Variants in TWF2 observed in about 807,000 individuals in gnomAD.
The protein encoded by TWF2 is twinfilin actin binding protein 2, also known as twinfilin-2.
In TWF2, 15 loss-of-function variants were observed where a neutral mutation model predicts 45.1. The observed-to-expected ratio is 0.33, with a 90% CI of 0.22 to 0.51. The LOEUF (loss-of-function observed/expected upper bound fraction) is 0.51, where lower values mean the gene tolerates loss of function less well. Ranked by LOEUF, TWF2 falls within the 20% of genes least tolerant of loss-of-function variation. TWF2 has a pLI of 0.97. For synonymous variants in TWF2, 177 were observed against 195.8 expected (o/e 0.90, Z 0.80); for missense variants, 423 against 469.1 (o/e 0.90, Z 0.91).
In TWF2 at chr3:52,228,779, C is replaced by T. The variant is rs1699649389; in HGVS notation, c.*255G>A. Reference sequence around the variant, plus strand: ...CGGGAGGCCAGGTTCATGCCAGGCCCCTGACCCAGCCCCCTTAAGCCAGCC... The same window carrying T: ...CGGGAGGCCAGGTTCATGCCAGGCCTCTGACCCAGCCCCCTTAAGCCAGCC... On this transcript the variant is annotated 3_prime_UTR_variant, in exon 9 of 9. Coordinates refer to ENST00000305533, the MANE Select transcript of TWF2 (RefSeq NM_007284.4). The T allele has an allele frequency of 3.6e-6, 2 of 555,516 alleles. No individual in the cohort carries two copies. Among genetic ancestry groups the T allele is most frequent in the Non-Finnish European group, 6.2e-6 (2 of 320,402 alleles). 34.4% of individuals were successfully genotyped at this position (555,516 alleles called of 1,614,324 possible). A position where few individuals can be genotyped will look rare whatever the true frequency, so the allele number is the denominator to read the frequency against.
intron 1 of TWF2, among the ~76,000 whole-genome samples, chr3:52,237,715 T>A (rs1359047563): frequency 6.6e-6 from 1 of 152,134 alleles, no homozygotes; most frequent in East Asian, 1.9e-4. Flanking sequence ...GCCCGCCAGC[T>A]CCTCCTGGAG....
intron 8 of TWF2, 109 bp from the exon 9 acceptor site, chr3:52,229,310 G>A: frequency 7.2e-7 from 1 of 1,391,506 alleles, no homozygotes; most frequent in Non-Finnish European, 9.5e-7. Context: ...CTAGCCCTGG[G>A]GTCTCCTGAG....
intron 8 of TWF2, 23 bp from the exon 9 acceptor site, chr3:52,229,224 C>A: frequency 6.2e-7 from 1 of 1,606,842 alleles, no homozygotes; most frequent in Non-Finnish European, 8.5e-7. Context: ...AGGCAGTGGT[C>A]ACCCCAATGG....
At chr3:52,231,070 C>T in intron 5 of TWF2, 57 bp downstream of exon 5, 1 of 1,611,404 alleles carries the variant, frequency 6.2e-7, no homozygotes, top group Non-Finnish European at 8.5e-7. Context: ...GCACAGGCTG[C>T]CACTGGGCCG....
At chr3:52,234,986 G>T in intron 2 of TWF2, 43 bp downstream of exon 2, 1 of 1,605,228 alleles carries the variant, frequency 6.2e-7, no homozygotes. Flanking sequence ...AGGCAGCAGA[G>T]TCCACCCCCA....
Position 52,238,131 on chromosome 3 carries a change from G to A in TWF2, c.25+861C>T, listed in dbSNP as rs538825723. Among the ~76,000 whole-genome samples the A allele has an allele frequency of 3.9e-5, 6 of 152,304 alleles. No individual in the cohort carries two copies. In the South Asian group the frequency reaches 6.2e-4, roughly 16 times the overall value. ...GAATGGTGAAGCTTCCTAGGGCTGG[G>A]GGCTGGGGGTGGGAGCTGGCCTGGA... On this transcript the variant is annotated intron_variant, in intron 1 of 8. Transcript: ENST00000305533.
At chr3:52,230,727 A>G in intron 6 of TWF2, 143 bp downstream of exon 6, 2 of 1,296,326 alleles carry the variant, frequency 1.5e-6, no homozygotes, top group Non-Finnish European at 2.1e-6. Flanking sequence ...GGGGTGGACC[A>G]TGTGTTCCCA....
Position 52,232,100 on chromosome 3 carries a change from C to A in TWF2, c.126G>T (p.Ser42=), listed in dbSNP as rs368018844. Residue 42 remains serine, a synonymous_variant, in exon 3 of 9, where the codon TCG becomes TCT. Coordinates refer to ENST00000305533, the MANE Select transcript of TWF2 (RefSeq NM_007284.4). The part of the protein sequence containing the change: ...IEDEQLVLGA[S]QEPVGRWDQD... Reference sequence around the variant, plus strand: ...GATCCCAGCGGCCTACTGGCTCCTGCGAGGCACCCAGCACGAGCTGCTCTG... The same window carrying A: ...GATCCCAGCGGCCTACTGGCTCCTGAGAGGCACCCAGCACGAGCTGCTCTG... 3.7e-6 allele frequency: 6 copies of A among 1,605,284 alleles called. No homozygotes were observed. The highest frequency in any genetic ancestry group is 1.7e-4 in the Middle Eastern group (1 of 6,016).
Position 52,229,022 on chromosome 3 carries a change from T to C in TWF2, c.*12A>G, listed in dbSNP as rs1415409321. On this transcript the variant is annotated 3_prime_UTR_variant, in exon 9 of 9. Transcript: ENST00000305533. The stretch of plus-strand genomic sequence containing the variant: ...CCCACAGTCCACACGTGGCCGGCCC[T>C]GCTCCAGCCTCCTAGCTGTCATCCC... The C allele has an allele frequency of 1.2e-6, 2 of 1,609,808 alleles. No homozygotes were observed. Among genetic ancestry groups the C allele is most frequent in the East Asian group, 2.2e-5 (1 of 44,886 alleles).
In TWF2 at chr3:52,233,608, T is replaced by C. The variant is rs561781487; in HGVS notation, c.103+1421A>G. Among the ~76,000 whole-genome samples the C allele has an allele frequency of 2.0e-5, 3 of 152,260 alleles. No individual in the cohort carries two copies. The South Asian group carries it at 6.2e-4, about 32-fold the overall frequency. ...CTGTCATGCAGAACTGAGATAAAAG[T>C]CAATCCAGAGATTCCTCCTGCTTAA... On this transcript the variant is annotated intron_variant, in intron 2 of 8. Coordinates refer to ENST00000305533, the MANE Select transcript of TWF2 (RefSeq NM_007284.4).
At chr3:52,230,241 G>A (rs1699666371) in intron 6 of TWF2, among the ~76,000 whole-genome samples, 171 bp from the exon 7 acceptor site, 1 of 152,206 alleles carries the variant, frequency 6.6e-6, no homozygotes, top group Non-Finnish European at 1.5e-5. Context: ...CTCTGAAGAG[G>A]CCAGTCCTGG....
At chr3:52,230,829 G>C (rs1190640835) in intron 6 of TWF2, 41 bp downstream of exon 6, 1 of 1,600,132 alleles carries the variant, frequency 6.2e-7, no homozygotes, top group South Asian at 1.1e-5. Context: ...CAGGAGTAGG[G>C]GTGGTGGCAG....
intron 6 of TWF2, among the ~76,000 whole-genome samples, chr3:52,230,644 A>C (rs77633859): frequency 0.024 from 3,641 of 152,202 alleles, 76 homozygotes; most frequent in Non-Finnish European, 0.04. Context: ...GCCTGGGGAC[A>C]AGGGACCAGA....
intron 3 of TWF2, 121 bp from the exon 4 acceptor site, chr3:52,231,660 G>A: frequency 2.5e-6 from 3 of 1,186,082 alleles, no homozygotes. Flanking sequence ...CAGAGGGCCA[G>A]CCCGGGGCCA....
At position 52,231,186 on chromosome 3, in the gene TWF2, C is replaced by A; in HGVS notation, c.424G>T (p.Ala142Ser). Residue 142 changes from alanine (A) to serine (S), a missense_variant, in exon 5 of 9, where the codon GCG (alanine) becomes TCG (serine). By Grantham distance (99) the Ala-to-Ser change is moderately conservative. Transcript: ENST00000305533. ...GCCGAGGTCAGCGGGGCAGGTGCCG[C>A]ACAGGACGACAGGTGTTTCTGGTAC... ...AGYQKHLSSC[A>S]APAPLTSAER... 6.2e-7 allele frequency: 1 copy of A among 1,614,030 alleles called. No individual in the cohort carries two copies. Among genetic ancestry groups the A allele is most frequent in the Admixed American group, 1.7e-5 (1 of 60,014 alleles).
intron 1 of TWF2, among the ~76,000 whole-genome samples, chr3:52,235,954 A>G (rs879870878): frequency 2.0e-5 from 3 of 152,090 alleles, no homozygotes; most frequent in Admixed American, 2.0e-4. Flanking sequence ...CTTAACCCTC[A>G]GGCAGTTGGG....
chr3:52,231,304 C>A, intron 4 of TWF2, 73 bp from the exon 5 acceptor site: 1 of 1,586,698 alleles, frequency 6.3e-7, no homozygotes, highest in Non-Finnish European at 8.6e-7. Context: ...CCACGGAGCA[C>A]GCCAGCTTGC....
chr3:52,237,508 T>C (rs1048811220), intron 1 of TWF2, among the ~76,000 whole-genome samples: 7 of 151,964 alleles, frequency 4.6e-5, no homozygotes, highest in African/African-American at 1.7e-4. Context: ...CAGTCCCCAG[T>C]GACCCCCTCG....
chr3:52,234,956 C>T, intron 2 of TWF2, 73 bp downstream of exon 2: 1 of 1,557,006 alleles, frequency 6.4e-7, no homozygotes, highest in Non-Finnish European at 8.8e-7. Context: ...GGGCCAACAT[C>T]CTCCTTCCCC....
Sources: gnomAD v4.1 joint callset for allele counts (sites outside exome capture counted in the v4.1 genomes callset) on GRCh38, gnomAD v4.1.1 for gene constraint, MANE v1.5 for transcripts, NCBI Gene and HGNC (gene_info 2026-07-23, HGNC 2026-07-21) for gene names.